Variants in ZBTB20 observed in about 807,000 individuals in gnomAD.
ZBTB20 encodes zinc finger and BTB domain containing 20.
ZBTB20 carries 9 observed loss-of-function variants against 56.9 expected under a neutral mutation model. The observed-to-expected ratio is 0.16, with a 90% confidence interval of 0.10 to 0.28. The LOEUF (loss-of-function observed/expected upper bound fraction) is 0.28. Among genes scored for constraint, ZBTB20 ranks in the 10% least tolerant of loss-of-function variants. The pLI is 1.00. For synonymous variants in ZBTB20, 417 were observed against 420.7 expected (o/e 0.99, Z 0.11); for missense variants, 655 against 1,003.0 (o/e 0.65, Z 4.69).
At chr3:114,722,514 G>GAGATTTTAA (rs755641179) in intron 5 of ZBTB20, among the ~76,000 whole-genome samples, 1 of 152,214 alleles carries the variant, frequency 6.6e-6, no homozygotes, top group Non-Finnish European at 1.5e-5. Context: ...AACTGAAGAA[G>GAGATTTTAA]AGATTTTAAT....
chr3:114,693,206 C>T (rs1401633965), intron 6 of ZBTB20, among the ~76,000 whole-genome samples: 1 of 152,094 alleles, frequency 6.6e-6, no homozygotes, highest in Non-Finnish European at 1.5e-5. Flanking sequence ...GAGGGTCTTC[C>T]AAACAAATCC....
chr3:114,784,174 A>C (rs957871520), intron 5 of ZBTB20, among the ~76,000 whole-genome samples: 1 of 152,170 alleles, frequency 6.6e-6, no homozygotes, highest in Non-Finnish European at 1.5e-5. Flanking sequence ...CTTTTGGAGG[A>C]ATAGAACTTT....
chr3:114,855,546 A>G (rs1560326072), intron 4 of ZBTB20, among the ~76,000 whole-genome samples: 1 of 152,200 alleles, frequency 6.6e-6, no homozygotes, highest in Non-Finnish European at 1.5e-5. Flanking sequence ...GATTCCTGGA[A>G]CTTGGGAGAA....
At chr3:114,916,286 C>T (rs2075741365) in intron 3 of ZBTB20, among the ~76,000 whole-genome samples, 1 of 152,082 alleles carries the variant, frequency 6.6e-6, no homozygotes, top group East Asian at 1.9e-4. Flanking sequence ...TAAACTGACC[C>T]CTTTATAATT....
chr3:114,953,983 A>G (rs1187634887), intron 3 of ZBTB20, among the ~76,000 whole-genome samples: 2 of 152,126 alleles, frequency 1.3e-5, no homozygotes, highest in Admixed American at 6.6e-5. Context: ...TTCTTCAGAG[A>G]TAAGTCATAT....
intron 1 of ZBTB20, among the ~76,000 whole-genome samples, chr3:115,132,268 G>A (rs1402617265): frequency 6.6e-6 from 1 of 151,642 alleles, no homozygotes; most frequent in Non-Finnish European, 1.5e-5. Context: ...TAGGCATTTT[G>A]TAATTTGTGT....
intron 4 of ZBTB20, among the ~76,000 whole-genome samples, chr3:114,802,396 G>A (rs983666445): frequency 2.6e-5 from 4 of 151,762 alleles, no homozygotes; most frequent in Admixed American, 2.0e-4. Context: ...AATATTTTGG[G>A]TAATTGGTCT....
intron 6 of ZBTB20, among the ~76,000 whole-genome samples, chr3:114,551,922 C>A (rs1177460472): frequency 2.0e-5 from 3 of 152,170 alleles, no homozygotes; most frequent in Non-Finnish European, 4.4e-5. Flanking sequence ...AACTCATCTT[C>A]AGCTAAAAAT....
intron 10 of ZBTB20, among the ~76,000 whole-genome samples, chr3:114,358,456 G>A (rs1352266863): frequency 6.6e-6 from 1 of 152,040 alleles, no homozygotes; most frequent in Non-Finnish European, 1.5e-5. Flanking sequence ...TTTATCTAAG[G>A]CTGAGAATAG....
intron 6 of ZBTB20, among the ~76,000 whole-genome samples, chr3:114,577,345 A>G (rs1402219035): frequency 1.3e-5 from 2 of 152,156 alleles, no homozygotes; most frequent in Non-Finnish European, 2.9e-5. Flanking sequence ...TTTGTGAAAA[A>G]CTCAATATCT....
chr3:115,124,520 C>A (rs2084270910), intron 1 of ZBTB20, among the ~76,000 whole-genome samples: 1 of 152,074 alleles, frequency 6.6e-6, no homozygotes, highest in African/African-American at 2.4e-5. Context: ...GGAGGAGTGT[C>A]CGACCTTTAA....
At chr3:114,776,317 C>G (rs79110446) in intron 5 of ZBTB20, among the ~76,000 whole-genome samples, 5,206 of 151,754 alleles carry the variant, frequency 0.034, 146 homozygotes, top group African/African-American at 0.07. Context: ...ACATATGGAG[C>G]TTATCCTGGA....
chr3:114,755,795 T>G (rs1276753695), intron 5 of ZBTB20, among the ~76,000 whole-genome samples: 1 of 152,140 alleles, frequency 6.6e-6, no homozygotes, highest in Non-Finnish European at 1.5e-5. Flanking sequence ...AGCCTTCAAT[T>G]CTTTACAGTG....
At chr3:114,729,325 A>T (rs1308930546) in intron 5 of ZBTB20, among the ~76,000 whole-genome samples, 2 of 152,254 alleles carry the variant, frequency 1.3e-5, no homozygotes. Flanking sequence ...CAATGGATGT[A>T]TTAACAAAAT....
intron 6 of ZBTB20, among the ~76,000 whole-genome samples, chr3:114,619,428 A>G (rs1382641281): frequency 1.3e-5 from 2 of 152,122 alleles, no homozygotes; most frequent in African/African-American, 4.8e-5. Flanking sequence ...TAGTTTGGGG[A>G]TTGCTAAGTT....
intron 2 of ZBTB20, among the ~76,000 whole-genome samples, chr3:114,992,991 C>T (rs1208602973): frequency 6.6e-6 from 1 of 151,938 alleles, no homozygotes; most frequent in Admixed American, 6.6e-5. Context: ...ACCCAAGGCA[C>T]TCACAGAGAA....
intron 5 of ZBTB20, chr3:114,743,367 G>A (rs1401912083): frequency 2.6e-5 from 4 of 152,060 alleles, no homozygotes; most frequent in Non-Finnish European, 5.9e-5. Context: ...ACGACTGACA[G>A]TCATTCAAAA....
At chr3:114,807,501 T>G (rs934400161) in intron 4 of ZBTB20, among the ~76,000 whole-genome samples, 10 of 151,642 alleles carry the variant, frequency 6.6e-5, no homozygotes, top group Admixed American at 3.3e-4. Context: ...TTCTTACATG[T>G]ATTTATCATT....
At chr3:115,096,245 T>C (rs1174286320) in intron 1 of ZBTB20, among the ~76,000 whole-genome samples, 1 of 152,192 alleles carries the variant, frequency 6.6e-6, no homozygotes, top group Non-Finnish European at 1.5e-5. Context: ...GAGGGTAAAC[T>C]GTTTCTATGT....
Sources: gnomAD v4.1 joint callset for allele counts (sites outside exome capture counted in the v4.1 genomes callset) on GRCh38, gnomAD v4.1.1 for gene constraint, MANE v1.5 for transcripts, NCBI Gene and HGNC (gene_info 2026-07-23, HGNC 2026-07-21) for gene names.